The following PIWIL3 variants were observed in gnomAD, a reference collection of about 807,000 sequenced individuals.
The protein encoded by PIWIL3 is piwi like RNA-mediated gene silencing 3.
PIWIL3 carries 101 observed loss-of-function variants against 109.7 expected under a neutral mutation model. The observed-to-expected ratio is 0.92, with a 90% confidence interval of 0.78 to 1.09. The LOEUF is 1.09. PIWIL3 is among the 50% of genes least tolerant of loss of function. PIWIL3 has a pLI of 0.00. For synonymous variants in PIWIL3, 373 were observed against 376.4 expected (o/e 0.99, Z 0.10); for missense variants, 1,031 against 1,072.6 (o/e 0.96, Z 0.54).
At chr22:24,730,021 G>T (rs1192040771) in intron 14 of PIWIL3, among the ~76,000 whole-genome samples, 1 of 150,462 alleles carries the variant, frequency 6.6e-6, no homozygotes, top group Non-Finnish European at 1.5e-5. Context: ...AAGTTTTTTG[G>T]TTTTTGTGCA....
intron 9 of PIWIL3, 26 bp from the exon 10 acceptor site, chr22:24,749,845 T>C (rs780202144): frequency 6.2e-7 from 1 of 1,613,998 alleles, no homozygotes; most frequent in South Asian, 1.1e-5. Flanking sequence ...GAGACCAGCA[T>C]GACCATCAGT....
At chr22:24,770,182 C>T (rs1373968390) in intron 1 of PIWIL3, among the ~76,000 whole-genome samples, 1 of 152,120 alleles carries the variant, frequency 6.6e-6, no homozygotes, top group African/African-American at 2.4e-5. Context: ...GAGGGATGAA[C>T]CCGCTTACCC....
intron 14 of PIWIL3, among the ~76,000 whole-genome samples, chr22:24,729,218 T>TA (rs1372085931): frequency 6.6e-6 from 1 of 152,102 alleles, no homozygotes; most frequent in Non-Finnish European, 1.5e-5. Context: ...TGTTTAACTG[T>TA]AAAATGGCAA....
intron 12 of PIWIL3, among the ~76,000 whole-genome samples, chr22:24,738,148 C>CA (rs890878197): frequency 1.7e-4 from 25 of 151,142 alleles, no homozygotes; most frequent in Admixed American, 1.6e-3. Flanking sequence ...AAGACTGTCT[C>CA]AAAAAAAGAA....
chr22:24,741,203 C>A (rs1367121646), intron 12 of PIWIL3, among the ~76,000 whole-genome samples: 1 of 152,152 alleles, frequency 6.6e-6, no homozygotes, highest in African/African-American at 2.4e-5. Flanking sequence ...TTGATAAAAT[C>A]CAGCATCGCT....
chr22:24,738,961 A>G (rs1268658286), intron 12 of PIWIL3, among the ~76,000 whole-genome samples: 1 of 152,202 alleles, frequency 6.6e-6, no homozygotes, highest in African/African-American at 2.4e-5. Context: ...GGAAACTCAA[A>G]GAAATTCAAG....
chr22:24,748,491 A>G (rs1183233919), intron 12 of PIWIL3, among the ~76,000 whole-genome samples: 3 of 152,224 alleles, frequency 2.0e-5, no homozygotes, highest in African/African-American at 7.2e-5. Context: ...ACCTGATGTG[A>G]TTATGCACTG....
intron 1 of PIWIL3, among the ~76,000 whole-genome samples, chr22:24,764,625 CGTGTGTGTGTGT>C (rs140531011): frequency 4.3e-4 from 58 of 134,690 alleles, no homozygotes; most frequent in East Asian, 1.6e-3. Flanking sequence ...TTGACCTTGC[CGTGTGTGTGTGT>C]GTGTGTGTGT....
chr22:24,770,354 AGCTC>A (rs1926063200), intron 1 of PIWIL3, among the ~76,000 whole-genome samples: 1 of 152,244 alleles, frequency 6.6e-6, no homozygotes, highest in Non-Finnish European at 1.5e-5. Context: ...ATGACTGAGC[AGCTC>A]AGCTTCAAAA....
At chr22:24,755,382 C>G (rs1275789523) in intron 6 of PIWIL3, among the ~76,000 whole-genome samples, 1 of 152,240 alleles carries the variant, frequency 6.6e-6, no homozygotes, top group Non-Finnish European at 1.5e-5. Context: ...CTCAGCCTCC[C>G]AAAGTGCTGG....
rs202133125 is a variant in PIWIL3 at position 24,755,914 on chromosome 22, A to T, written c.571-9T>A. On this transcript the variant is annotated splice_polypyrimidine_tract_variant and intron_variant, in intron 5 of 20. Transcript: ENST00000616349. ...CTCAACCATTCCACTCTCTGAGATT[A>T]AAAAAAAACAAAAAAAAAAGTCCAG... is the stretch of plus-strand genomic sequence containing the variant. The T allele has an allele frequency of 1.6e-5, 25 of 1,547,454 alleles. No individual in the cohort carries two copies. The highest frequency in any genetic ancestry group is 1.7e-4 in the Middle Eastern group (1 of 5,818).
chr22:24,757,383 G>A (rs1417015268), intron 4 of PIWIL3, among the ~76,000 whole-genome samples: 1 of 152,164 alleles, frequency 6.6e-6, no homozygotes, highest in Non-Finnish European at 1.5e-5. Flanking sequence ...AGGCCCAGGT[G>A]GGAGGATGGT....
chr22:24,755,210 C>G (rs1404864810), intron 6 of PIWIL3, among the ~76,000 whole-genome samples: 6 of 152,198 alleles, frequency 3.9e-5, no homozygotes, highest in Non-Finnish European at 8.8e-5. Flanking sequence ...GAAACCTCCA[C>G]CTCCTGGGAC....
intron 3 of PIWIL3, among the ~76,000 whole-genome samples, 168 bp downstream of exon 3, chr22:24,759,701 C>T (rs1925298182): frequency 6.6e-6 from 1 of 152,218 alleles, no homozygotes; most frequent in South Asian, 2.1e-4. Context: ...GAAGAAAACA[C>T]CATCAGATAA....
chr22:24,761,919 C>T (rs1925460586), intron 2 of PIWIL3: 3 of 974,526 alleles, frequency 3.1e-6, no homozygotes, highest in Middle Eastern at 5.2e-4. Context: ...ATATGGTCCC[C>T]CTGGAGGTTG....
rs1386892420 is a variant in PIWIL3, at chr22:24,727,701, C to T, written c.2009+249G>A. 4.6e-5 allele frequency among the ~76,000 whole-genome samples: 7 copies of T among 152,268 alleles called. 1 individual carries two copies. The Middle Eastern group carries it at 0.014, about 298-fold the overall frequency. ...ATCAGAAGAACCGTGCAGATAAAGA[C>T]AGGCATTGTCATAAACTGCCACGTC... On this transcript the variant is annotated intron_variant, in intron 16 of 20. Coordinates refer to ENST00000616349, the MANE Select transcript of PIWIL3 (RefSeq NM_001255975.1).
rs185263909 is a variant in PIWIL3 at position 24,740,476 on chromosome 22, A to T, written c.1450-4584T>A. 1.8e-3 allele frequency among the ~76,000 whole-genome samples: 263 copies of T among 145,730 alleles called. 2 individuals are homozygous for T. Among genetic ancestry groups the T allele is most frequent in the African/African-American group, 6.1e-3 (243 of 39,682 alleles). Reference sequence around the variant, plus strand: ...GGCAGGAGAATGGCATGAACCCGGGAGGCAGAGTTTGCAGTGAGCTGAGAT... The same window carrying T: ...GGCAGGAGAATGGCATGAACCCGGGTGGCAGAGTTTGCAGTGAGCTGAGAT... On this transcript the variant is annotated intron_variant, in intron 12 of 20. Transcript: ENST00000616349.
At chr22:24,740,132 T>C (rs945997926) in intron 12 of PIWIL3, among the ~76,000 whole-genome samples, 1 of 145,202 alleles carries the variant, frequency 6.9e-6, no homozygotes, top group South Asian at 2.2e-4. Context: ...GGCAGAGAAT[T>C]GCTTGAACCC....
Position 24,752,953 on chromosome 22 carries a change from A to G in PIWIL3, c.977+1061T>C, listed in dbSNP as rs551781094. 1.1e-4 allele frequency among the ~76,000 whole-genome samples: 16 copies of G among 152,298 alleles called. No individual in the cohort carries two copies. The East Asian group carries it at 3.1e-3, about 29-fold the overall frequency. ...AAACGTTTTCACGCATCTATTGATC[A>G]TTTGTACATTTTAAGAAATATATCT... On this transcript the variant is annotated intron_variant, in intron 8 of 20. Coordinates refer to ENST00000616349, the MANE Select transcript of PIWIL3 (RefSeq NM_001255975.1).
Sources: gnomAD v4.1 joint callset for allele counts (sites outside exome capture counted in the v4.1 genomes callset) on GRCh38, gnomAD v4.1.1 for gene constraint, MANE v1.5 for transcripts, NCBI Gene and HGNC (gene_info 2026-07-23, HGNC 2026-07-21) for gene names.